Variants in OIT3 observed in about 807,000 individuals in gnomAD.
OIT3 encodes oncoprotein induced transcript 3.
Under a neutral mutation model 52.2 loss-of-function variants are expected in OIT3, and 41 were observed. The observed-to-expected ratio is 0.79, with a 90% CI of 0.61 to 1.02. OIT3 has a LOEUF of 1.02. OIT3 is among the 50% of genes least tolerant of loss of function. The probability of loss-of-function intolerance (pLI) is 0.00; values close to 1 mark genes in which losing one functional copy is unlikely to be tolerated. For missense variants in OIT3, 634 were observed against 715.5 expected, an observed-to-expected ratio of 0.89 and a Z score of 1.30; for synonymous variants, 244 against 276.9, an observed-to-expected ratio of 0.88 and a Z score of 1.18.
intron 6 of OIT3, among the ~76,000 whole-genome samples, chr10:72,919,922 GTC>G (rs1338957783): frequency 6.6e-6 from 1 of 152,024 alleles, no homozygotes; most frequent in East Asian, 1.9e-4. Context: ...TTTTTGTTGT[GTC>G]TCTGCCAGAT....
intron 2 of OIT3, among the ~76,000 whole-genome samples, chr10:72,899,586 A>G (rs1845909272): frequency 7.1e-6 from 1 of 141,144 alleles, no homozygotes; most frequent in Non-Finnish European, 1.5e-5. Flanking sequence ...ACAGAGTGAG[A>G]CTCTGATTCA....
At chr10:72,900,668 A>G (rs560353052) in intron 3 of OIT3, among the ~76,000 whole-genome samples, 184 bp downstream of exon 3, 2 of 152,338 alleles carry the variant, frequency 1.3e-5, no homozygotes, top group South Asian at 4.1e-4. Context: ...GATTAGGGAC[A>G]GCAGAGAATT....
intron 6 of OIT3, among the ~76,000 whole-genome samples, chr10:72,922,321 G>A (rs1408106647): frequency 6.6e-6 from 1 of 151,822 alleles, no homozygotes; most frequent in Non-Finnish European, 1.5e-5. Context: ...ACCCCAATCA[G>A]TCATATATTC....
In OIT3 at chr10:72,911,703, G is replaced by A; in HGVS notation, c.668-14G>A. 1.9e-6 allele frequency: 3 copies of A among 1,610,946 alleles called. No homozygotes were observed. Among genetic ancestry groups the A allele is most frequent in the Non-Finnish European group, 2.5e-6 (3 of 1,178,530 alleles). On this transcript the variant is annotated splice_polypyrimidine_tract_variant and intron_variant, in intron 4 of 8. Transcript: ENST00000334011. ...TTACGAGATTATTCCCTTTTCTGTT[G>A]GTTTCTACTGCAGACGTTGAAGGAT...
chr10:72,919,592 T>C (rs1039454492), intron 6 of OIT3, among the ~76,000 whole-genome samples: 3 of 152,156 alleles, frequency 2.0e-5, no homozygotes, highest in Non-Finnish European at 4.4e-5. Flanking sequence ...GTTTGTCATA[T>C]ATGGCTCTTA....
intron 4 of OIT3, among the ~76,000 whole-genome samples, chr10:72,907,368 G>T (rs1468174141): frequency 1.3e-5 from 2 of 152,168 alleles, no homozygotes; most frequent in Non-Finnish European, 2.9e-5. Flanking sequence ...GATTTAGTAG[G>T]TCTGAGATCA....
chr10:72,913,427 A>C lies in OIT3; in HGVS notation c.910A>C (p.Asn304His). The C allele has an allele frequency of 6.2e-7, 1 of 1,613,196 alleles. No homozygotes were observed. Among genetic ancestry groups the C allele is most frequent in the Non-Finnish European group, 8.5e-7 (1 of 1,179,316 alleles). ...CRGVSNGTHV[N>H]ILFSLKTCGT... is the part of the protein sequence containing the mutation. ...AGGAGTGTCCAACGGCACCCATGTCAACATCCTCTTCTCTCTCAAGACATG... is the reference window on the plus strand; with the variant it reads ...AGGAGTGTCCAACGGCACCCATGTCCACATCCTCTTCTCTCTCAAGACATG... Residue 304 changes from asparagine (N) to histidine (H), a missense_variant, in exon 6 of 9, where the codon AAC becomes CAC. Asn to His is a moderately conservative substitution (Grantham distance 68). Transcript: ENST00000334011.
At chr10:72,919,780 G>A (rs763733269) in intron 6 of OIT3, among the ~76,000 whole-genome samples, 1 of 152,128 alleles carries the variant, frequency 6.6e-6, no homozygotes, top group Non-Finnish European at 1.5e-5. Context: ...AACCAATCTT[G>A]CATCCTGGGG....
At chr10:72,920,152 G>A (rs1033418444) in intron 6 of OIT3, among the ~76,000 whole-genome samples, 6 of 151,604 alleles carry the variant, frequency 4.0e-5, no homozygotes, top group Non-Finnish European at 7.4e-5. Flanking sequence ...GGGATTCACA[G>A]TCTTGGGAGG....
At chr10:72,909,687 T>C (rs1286400961) in intron 4 of OIT3, among the ~76,000 whole-genome samples, 1 of 152,124 alleles carries the variant, frequency 6.6e-6, no homozygotes, top group Non-Finnish European at 1.5e-5. Context: ...AACCTCTGCC[T>C]CCCAGGTCAA....
At chr10:72,915,702 C>A (rs1191244132) in intron 6 of OIT3, among the ~76,000 whole-genome samples, 1 of 152,064 alleles carries the variant, frequency 6.6e-6, no homozygotes, top group African/African-American at 2.4e-5. Context: ...TTGGGGGTCC[C>A]TTTAAACAGC....
intron 7 of OIT3, 95 bp downstream of exon 7, chr10:72,924,739 C>T: frequency 1.0e-6 from 1 of 980,316 alleles, no homozygotes; most frequent in Admixed American, 2.8e-5. Flanking sequence ...CTGCATGGTA[C>T]CACTGTCAGC....
intron 5 of OIT3, among the ~76,000 whole-genome samples, chr10:72,912,849 G>A (rs1846041409): frequency 6.6e-6 from 1 of 152,130 alleles, no homozygotes; most frequent in African/African-American, 2.4e-5. Context: ...CAATTTGGAA[G>A]CCTTTCCCAA....
intron 6 of OIT3, among the ~76,000 whole-genome samples, chr10:72,921,166 T>C (rs745701170): frequency 2.6e-5 from 4 of 152,258 alleles, no homozygotes; most frequent in African/African-American, 4.8e-5. Context: ...CCCTTTATCA[T>C]TATGTGACAT....
intron 7 of OIT3, 97 bp from the exon 8 acceptor site, chr10:72,930,441 C>T: frequency 1.2e-6 from 1 of 865,986 alleles, no homozygotes; most frequent in South Asian, 1.4e-5. Flanking sequence ...GCCTCCTCCA[C>T]CCCTTTGGCT....
intron 8 of OIT3, among the ~76,000 whole-genome samples, chr10:72,931,916 G>T (rs1040461547): frequency 3.3e-5 from 5 of 152,164 alleles, no homozygotes; most frequent in African/African-American, 1.2e-4. Context: ...CCTCAATCAG[G>T]CAGGAAGCTC....
intron 1 of OIT3, among the ~76,000 whole-genome samples, chr10:72,896,253 C>A (rs1276651711): frequency 6.6e-6 from 1 of 152,122 alleles, no homozygotes; most frequent in African/African-American, 2.4e-5. Flanking sequence ...CTAACCATTT[C>A]TTATAAAATT....
chr10:72,903,344 G>T (rs1315101751), intron 3 of OIT3, among the ~76,000 whole-genome samples: 2 of 152,054 alleles, frequency 1.3e-5, no homozygotes, highest in Non-Finnish European at 2.9e-5. Flanking sequence ...TCCCGCCTCA[G>T]CCTCTAGAGT....
intron 2 of OIT3, 44 bp from the exon 3 acceptor site, chr10:72,900,333 T>TCTGGTCTC: frequency 9.3e-7 from 1 of 1,081,046 alleles, no homozygotes; most frequent in Non-Finnish European, 1.4e-6. Flanking sequence ...AAGAGTGTCT[T>TCTGGTCTC]CTGGTCTCCT....
Sources: allele counts gnomAD v4.1 joint callset (sites outside exome capture counted in the v4.1 genomes callset), GRCh38; gene constraint gnomAD v4.1.1; transcripts MANE v1.5; gene names NCBI Gene and HGNC (gene_info 2026-07-23, HGNC 2026-07-21).